Variants in KDM6A observed in about 807,000 individuals in gnomAD.
KDM6A encodes lysine demethylase 6A, also known as lysine-specific demethylase 6A.
A neutral mutation model predicts 117.6 loss-of-function variants in KDM6A; 11 were observed. The ratio of observed to expected loss-of-function variants is 0.09; its 90% CI spans 0.06 to 0.15. The LOEUF (loss-of-function observed/expected upper bound fraction) is 0.15, where lower values mean the gene tolerates loss of function less well. Among genes scored for constraint, KDM6A ranks in the 10% least tolerant of loss-of-function variants. KDM6A has a pLI of 1.00. For synonymous variants in KDM6A, 384 were observed against 396.1 expected, an observed-to-expected ratio of 0.97 and a Z score of 0.36; for missense variants, 799 against 1,077.3, an observed-to-expected ratio of 0.74 and a Z score of 3.62.
At chrX:45,017,272 T>C (rs1412972038) in intron 5 of KDM6A, among the ~76,000 whole-genome samples, 1 of 111,864 alleles carries the variant, frequency 8.9e-6, no homozygotes, top group Non-Finnish European at 1.9e-5. Context: ...ATTCCATCAG[T>C]CAGAATTCTG....
chrX:45,016,993 T>A (rs996907141), intron 5 of KDM6A, among the ~76,000 whole-genome samples: 1 of 110,898 alleles, frequency 9.0e-6, no homozygotes, highest in African/African-American at 3.3e-5. Context: ...GTTTTAGCTT[T>A]ATATCATTTT....
rs375095336 is a variant in KDM6A, at chrX:45,046,981, A to ATGGTGGTGGTGG, written c.655-4711_655-4700dup. ...GCAGTCTCTTTTATTGGTGGTGATG[A>ATGGTGGTGGTGG]TGGTGGTGGTGGTGGTGGTGGTGGT... On this transcript the variant is annotated intron_variant, in intron 8 of 29. Coordinates refer to ENST00000611820, the MANE Select transcript of KDM6A (RefSeq NM_001291415.2). Among the ~76,000 whole-genome samples, 701 of 103,403 alleles carry ATGGTGGTGGTGG rather than the reference A, an allele frequency of 6.8e-3. 8 individuals are homozygous for ATGGTGGTGGTGG. The highest frequency in any genetic ancestry group is 0.024 in the African/African-American group (671 of 27,635). The allele number at this position is 103,403 out of a possible 115,157, so 89.8% of individuals were successfully genotyped here.
intron 2 of KDM6A, among the ~76,000 whole-genome samples, chrX:44,913,491 CT>C (rs2035350245): frequency 9.2e-6 from 1 of 108,977 alleles, no homozygotes; most frequent in Non-Finnish European, 1.9e-5. Context: ...TTTGTAGAGA[CT>C]GGGTTTCACC....
chrX:44,880,041 C>T (rs1352427449), intron 2 of KDM6A, among the ~76,000 whole-genome samples: 1 of 109,108 alleles, frequency 9.2e-6, no homozygotes, highest in Non-Finnish European at 1.9e-5. Flanking sequence ...GGCGTGGTGG[C>T]GTGCACCTGT....
At chrX:44,974,578 T>C (rs1446267361) in intron 3 of KDM6A, 88 bp from the exon 4 acceptor site, 3 of 625,527 alleles carry the variant, frequency 4.8e-6, no homozygotes, top group Admixed American at 2.3e-5. Context: ...GAGGTGGGTG[T>C]GGTGGGAATC....
intron 5 of KDM6A, among the ~76,000 whole-genome samples, chrX:45,017,435 C>A (rs764993894): frequency 9.0e-5 from 10 of 111,156 alleles, no homozygotes; most frequent in Non-Finnish European, 1.7e-4. Context: ...CTCTACCCTC[C>A]CACTCCCTCA....
At chrX:45,035,685 A>AATT (rs59024398) in intron 7 of KDM6A, among the ~76,000 whole-genome samples, 10,753 of 108,561 alleles carry the variant, frequency 0.099, 587 homozygotes, top group East Asian at 0.37. Flanking sequence ...TTGAAAAATA[A>AATT]ATTATTATTA....
intron 27 of KDM6A, among the ~76,000 whole-genome samples, chrX:45,103,859 C>G: frequency 9.0e-6 from 1 of 111,728 alleles, no homozygotes. Context: ...GGTCCTGAAA[C>G]CAATACTGAT....
chrX:44,975,815 T>C (rs942314502), intron 4 of KDM6A, among the ~76,000 whole-genome samples: 6 of 111,971 alleles, frequency 5.4e-5, no homozygotes, highest in Non-Finnish European at 3.8e-5. Context: ...AGATGTTTTG[T>C]GCAGATAAGG....
intron 2 of KDM6A, among the ~76,000 whole-genome samples, chrX:44,951,339 G>A (rs1209315635): frequency 8.9e-6 from 1 of 111,749 alleles, no homozygotes; most frequent in Non-Finnish European, 1.9e-5. Flanking sequence ...TTCTGAAGCT[G>A]CAAAAAGTGG....
At chrX:44,962,301 G>C (rs2038710754) in intron 3 of KDM6A, among the ~76,000 whole-genome samples, 2 of 111,965 alleles carry the variant, frequency 1.8e-5, no homozygotes, top group Admixed American at 1.9e-4. Flanking sequence ...TATTCTGTGA[G>C]GTTTGAAATT....
chrX:44,895,741 A>G (rs146353683), intron 2 of KDM6A, among the ~76,000 whole-genome samples: 2,458 of 108,777 alleles, frequency 0.023, 34 homozygotes, highest in Middle Eastern at 0.053. Flanking sequence ...TCTTTGATCC[A>G]TGGAGTATTT....
chrX:45,067,667 T>TC (rs2044596757), intron 17 of KDM6A, among the ~76,000 whole-genome samples: 1 of 100,816 alleles, frequency 9.9e-6, no homozygotes, highest in African/African-American at 4.0e-5. Flanking sequence ...TTTTTTTTTT[T>TC]TTTGAGATGG....
At chrX:44,932,983 G>C (rs2036732467) in intron 2 of KDM6A, among the ~76,000 whole-genome samples, 1 of 107,441 alleles carries the variant, frequency 9.3e-6, no homozygotes, top group South Asian at 4.0e-4. Flanking sequence ...TGCCTCCCGG[G>C]TTCAAGGGAT....
Position 45,112,347 on chromosome X carries a change from T to TA in KDM6A, c.*937dup, listed in dbSNP as rs982708792. On this transcript the variant is annotated 3_prime_UTR_variant, in exon 30 of 30. Coordinates refer to ENST00000611820, the MANE Select transcript of KDM6A (RefSeq NM_001291415.2). ...TGATTATATATATTTTATATATACT[T>TA]ATGTATGTATATATAATATATATAG... The TA allele has an allele frequency of 3.1e-5, 4 of 127,375 alleles. No individual in the cohort carries two copies. The highest frequency in any genetic ancestry group is 1.3e-4 in the African/African-American group (4 of 31,101). 10.5% of individuals were successfully genotyped at this position (127,375 alleles called of 1,213,427 possible). A position where few individuals can be genotyped will look rare whatever the true frequency, so the allele number is the denominator to read the frequency against.
intron 2 of KDM6A, among the ~76,000 whole-genome samples, chrX:44,911,895 C>T (rs1164875052): frequency 1.8e-5 from 2 of 110,077 alleles, no homozygotes; most frequent in Non-Finnish European, 1.9e-5. Flanking sequence ...GGCGTGGCGG[C>T]GCGCGCCTGC....
At chrX:44,961,537 T>C in intron 3 of KDM6A, 145 bp downstream of exon 3, 1 of 441,478 alleles carries the variant, frequency 2.3e-6, no homozygotes, top group Middle Eastern at 5.9e-4. Context: ...TAGATGGAAA[T>C]GGAAATCATC....
intron 2 of KDM6A, among the ~76,000 whole-genome samples, chrX:44,946,235 T>C: frequency 9.0e-6 from 1 of 111,242 alleles, no homozygotes; most frequent in Middle Eastern, 4.6e-3. Context: ...GGATTACAGG[T>C]GCACACCACC....
At chrX:45,098,520 A>G (rs1438752434) in intron 27 of KDM6A, among the ~76,000 whole-genome samples, 1 of 112,786 alleles carries the variant, frequency 8.9e-6, no homozygotes, top group African/African-American at 3.2e-5. Context: ...TAAAGAAGAA[A>G]TGAGTTGGGT....
Sources: gnomAD v4.1 joint callset for allele counts (sites outside exome capture counted in the v4.1 genomes callset) on GRCh38, gnomAD v4.1.1 for gene constraint, MANE v1.5 for transcripts, NCBI Gene and HGNC (gene_info 2026-07-23, HGNC 2026-07-21) for gene names.